IQCJ: variants seen among roughly 807,000 people sequenced by gnomAD.
IQCJ encodes the protein IQ motif containing J, also known as IQ domain-containing protein J.
Under a neutral mutation model 11.0 loss-of-function variants are expected in IQCJ, and 9 were observed. The ratio of observed to expected loss-of-function variants is 0.82; its 90% CI spans 0.49 to 1.43. IQCJ has a LOEUF of 1.43. Among genes scored for constraint, IQCJ ranks in the 40% most tolerant of loss-of-function variants. The pLI, the probability that IQCJ is intolerant of heterozygous loss-of-function variation, is 0.00. For synonymous variants in IQCJ, 55 were observed against 51.3 expected (o/e 1.07, Z -0.31); for missense variants, 146 against 133.2 (o/e 1.10, Z -0.47).
At chr3:159,134,944 T>C (rs73027673) in intron 1 of IQCJ, among the ~76,000 whole-genome samples, 5,226 of 152,296 alleles carry the variant, frequency 0.034, 316 homozygotes, top group African/African-American at 0.12. Context: ...GTCCCTGAGG[T>C]AAGTCTACTT....
At chr3:159,242,514 T>G (rs1726985072) in intron 1 of IQCJ, among the ~76,000 whole-genome samples, 1 of 151,528 alleles carries the variant, frequency 6.6e-6, no homozygotes, top group Non-Finnish European at 1.5e-5. Flanking sequence ...ACTACTATGA[T>G]CCAGGCAGGA....
intron 1 of IQCJ, among the ~76,000 whole-genome samples, chr3:159,081,067 T>A (rs559481743): frequency 6.6e-6 from 1 of 152,184 alleles, no homozygotes; most frequent in African/African-American, 2.4e-5. Context: ...ACAGAGAGAC[T>A]CCTGCCTTTT....
intron 1 of IQCJ, among the ~76,000 whole-genome samples, chr3:159,119,810 G>A (rs978641981): frequency 6.6e-6 from 1 of 152,178 alleles, no homozygotes; most frequent in Non-Finnish European, 1.5e-5. Context: ...ATGGGTTGGG[G>A]AAGAGATGAG....
intron 1 of IQCJ, among the ~76,000 whole-genome samples, chr3:159,178,463 T>C (rs938776051): frequency 6.6e-6 from 1 of 152,190 alleles, no homozygotes; most frequent in African/African-American, 2.4e-5. Context: ...GGGAATACAG[T>C]GGGAGTCCTG....
intron 1 of IQCJ, among the ~76,000 whole-genome samples, chr3:159,238,793 A>C (rs1283934757): frequency 6.6e-6 from 1 of 152,266 alleles, no homozygotes; most frequent in East Asian, 1.9e-4. Context: ...TGGGCACGTG[A>C]GTTCTGGGAT....
chr3:159,205,412 G>T (rs571030930), intron 1 of IQCJ, among the ~76,000 whole-genome samples: 3 of 152,298 alleles, frequency 2.0e-5, no homozygotes, highest in Non-Finnish European at 2.9e-5. Context: ...CCAGGAAACT[G>T]TATCCAAGCC....
Position 159,069,324 on chromosome 3 carries a change from C to T in IQCJ, c.-109C>T, listed in dbSNP as rs1001017374. ...ACTCAAAGGTTTCCAGCCTCACACT[C>T]GCCTCACATTCCCCCACAGTCACAT... On this transcript the variant is annotated 5_prime_UTR_variant, in exon 1 of 4. Coordinates refer to ENST00000397832, the MANE Select transcript of IQCJ (RefSeq NM_001042706.3). The T allele has an allele frequency of 2.1e-5, 30 of 1,433,024 alleles. 1 individual carries two copies. The highest frequency in any genetic ancestry group is 3.7e-4 in the Middle Eastern group (2 of 5,440). The allele number at this position is 1,433,024 out of a possible 1,614,324, so 88.8% of individuals were successfully genotyped here.
intron 3 of IQCJ, among the ~76,000 whole-genome samples, chr3:159,253,882 A>G (rs751962442): frequency 2.0e-5 from 3 of 152,200 alleles, no homozygotes; most frequent in Non-Finnish European, 4.4e-5. Flanking sequence ...ATAAGAGCAA[A>G]TACCAATACA....
chr3:159,186,287 A>G (rs377066072), intron 1 of IQCJ, among the ~76,000 whole-genome samples: 29 of 152,206 alleles, frequency 1.9e-4, no homozygotes, highest in East Asian at 1.3e-3. Flanking sequence ...TAGTGAATGA[A>G]TAAAGGAAGG....
chr3:159,159,626 C>T (rs1721720657), intron 1 of IQCJ, among the ~76,000 whole-genome samples: 1 of 152,106 alleles, frequency 6.6e-6, no homozygotes. Context: ...TCTTCAAAAA[C>T]ATTATCCTGA....
chr3:159,248,614 T>G (rs1482397906), intron 2 of IQCJ, among the ~76,000 whole-genome samples: 1 of 152,150 alleles, frequency 6.6e-6, no homozygotes, highest in Non-Finnish European at 1.5e-5. Context: ...TGGCTTAAGC[T>G]CCACTCTAGA....
chr3:159,265,223 G>C, downstream of IQCJ: 3 of 1,613,286 alleles, frequency 1.9e-6, no homozygotes, highest in Non-Finnish European at 2.5e-6. Context: ...AGTTTGCCAG[G>C]GCCCCTGTTG....
At chr3:159,193,042 G>A (rs1387943633) in intron 1 of IQCJ, among the ~76,000 whole-genome samples, 3 of 152,106 alleles carry the variant, frequency 2.0e-5, no homozygotes, top group Admixed American at 2.0e-4. Flanking sequence ...ATCTTGTGAG[G>A]CAACCCAGAC....
At chr3:159,091,811 T>G (rs1185613786) in intron 1 of IQCJ, among the ~76,000 whole-genome samples, 4 of 151,482 alleles carry the variant, frequency 2.6e-5, no homozygotes, top group Admixed American at 6.6e-5. Flanking sequence ...AATAAAAATT[T>G]TAAAAGCCCA....
chr3:159,160,931 T>C (rs1721814090), intron 1 of IQCJ, among the ~76,000 whole-genome samples: 1 of 152,214 alleles, frequency 6.6e-6, no homozygotes, highest in Non-Finnish European at 1.5e-5. Flanking sequence ...CAGTCTATCA[T>C]GGTTGGACAT....
intron 1 of IQCJ, among the ~76,000 whole-genome samples, chr3:159,218,571 T>G (rs1444657607): frequency 6.6e-6 from 1 of 152,112 alleles, no homozygotes; most frequent in Non-Finnish European, 1.5e-5. Context: ...AATATGCCTG[T>G]GATTTAATTG....
chr3:159,264,144 T>C (rs530515637), downstream of IQCJ, among the ~76,000 whole-genome samples: 2 of 152,352 alleles, frequency 1.3e-5, no homozygotes, highest in South Asian at 4.1e-4. Context: ...TGGATTTACT[T>C]TTTTTGTACC....
At chr3:159,238,988 CCAGATATAAAAT>C (rs1726753236) in intron 1 of IQCJ, among the ~76,000 whole-genome samples, 1 of 151,988 alleles carries the variant, frequency 6.6e-6, no homozygotes, top group Non-Finnish European at 1.5e-5. Flanking sequence ...AATGATATTG[CCAGATATAAAAT>C]CAGAGACAAA....
chr3:159,172,955 G>C (rs80261785), intron 1 of IQCJ, among the ~76,000 whole-genome samples: 9 of 152,056 alleles, frequency 5.9e-5, no homozygotes, highest in African/African-American at 2.2e-4. Flanking sequence ...AAGTCACTGC[G>C]TAAGACAATA....
Sources: allele counts gnomAD v4.1 joint callset (sites outside exome capture counted in the v4.1 genomes callset), GRCh38; gene constraint gnomAD v4.1.1; transcripts MANE v1.5; gene names NCBI Gene and HGNC (gene_info 2026-07-23, HGNC 2026-07-21).